The following ADGRL2 variants were observed in gnomAD, a reference collection of about 807,000 sequenced individuals.
The protein encoded by ADGRL2 is calcium-independent alpha-latrotoxin receptor 2.
In ADGRL2, 44 loss-of-function variants were observed where a neutral mutation model predicts 157.4. The ratio of observed to expected loss-of-function variants is 0.28; its 90% CI spans 0.22 to 0.36. The LOEUF (loss-of-function observed/expected upper bound fraction) is 0.36. Among genes scored for constraint, ADGRL2 ranks in the 10% least tolerant of loss-of-function variants. The probability of loss-of-function intolerance (pLI) is 1.00; values close to 1 mark genes in which losing one functional copy is unlikely to be tolerated. For missense variants in ADGRL2, 1,510 were observed against 1,768.9 expected (o/e 0.85, Z 2.63); for synonymous variants, 585 against 624.7 (o/e 0.94, Z 0.95).
intron 1 of ADGRL2, among the ~76,000 whole-genome samples, chr1:81,352,734 TC>T (rs1313927985): frequency 6.6e-6 from 1 of 152,134 alleles, no homozygotes; most frequent in Non-Finnish European, 1.5e-5. Context: ...TTCTTTTTAG[TC>T]ATCTAAACAC....
At chr1:81,369,385 A>C (rs1390138825) in intron 1 of ADGRL2, among the ~76,000 whole-genome samples, 1 of 152,192 alleles carries the variant, frequency 6.6e-6, no homozygotes, top group African/African-American at 2.4e-5. Flanking sequence ...ACTTCTTTTC[A>C]AGTCTATAGT....
At chr1:81,834,125 A>G (rs2092133250) in intron 1 of ADGRL2, among the ~76,000 whole-genome samples, 1 of 152,158 alleles carries the variant, frequency 6.6e-6, no homozygotes, top group Non-Finnish European at 1.5e-5. Context: ...ATGAACTATT[A>G]CGTAGCAAGC....
chr1:81,448,063 C>G (rs2077631542), intron 2 of ADGRL2, among the ~76,000 whole-genome samples: 1 of 151,676 alleles, frequency 6.6e-6, no homozygotes, highest in African/African-American at 2.4e-5. Flanking sequence ...CCAAGAAGAT[C>G]CTGCCATGCT....
intron 1 of ADGRL2, among the ~76,000 whole-genome samples, chr1:81,362,538 T>C (rs1019474665): frequency 6.6e-6 from 1 of 151,988 alleles, no homozygotes; most frequent in Non-Finnish European, 1.5e-5. Flanking sequence ...AATTTATATG[T>C]AAAATTTTTA....
At position 81,391,184 on chromosome 1, in the gene ADGRL2, GC is replaced by G. The variant is rs1476309702; in HGVS notation, c.-301-53851del. ...TCACCAAAATTGATTCATTGATGCA[GC>G]AAACTCATTTTTTGAGCACTTATCC... On this transcript the variant is annotated intron_variant, in intron 1 of 24. Transcript: ENST00000370721. Among the ~76,000 whole-genome samples, 6 of 152,420 alleles carry G rather than the reference GC, an allele frequency of 3.9e-5. No individual in the cohort carries two copies. The South Asian group carries it at 8.3e-4, about 21-fold the overall frequency.
chr1:81,897,187 T>C (rs535124419), intron 2 of ADGRL2, among the ~76,000 whole-genome samples: 1 of 152,260 alleles, frequency 6.6e-6, no homozygotes, highest in South Asian at 2.1e-4. Flanking sequence ...GAAGAGTAAT[T>C]GTTGCCTAAC....
chr1:81,385,609 A>T (rs1328792354), intron 1 of ADGRL2, among the ~76,000 whole-genome samples: 1 of 149,754 alleles, frequency 6.7e-6, no homozygotes, highest in Non-Finnish European at 1.5e-5. Flanking sequence ...AAAAAAAAAA[A>T]TCCTAGATAA....
intron 2 of ADGRL2, among the ~76,000 whole-genome samples, chr1:81,487,763 A>G (rs2078540359): frequency 6.6e-6 from 1 of 152,186 alleles, no homozygotes; most frequent in African/African-American, 2.4e-5. Context: ...TGTTAAGGTT[A>G]TACTCCATGG....
upstream of ADGRL2, among the ~76,000 whole-genome samples, chr1:81,796,589 T>G (rs1290583179): frequency 6.6e-6 from 1 of 152,188 alleles, no homozygotes; most frequent in Non-Finnish European, 1.5e-5. Flanking sequence ...TGCTTACTTT[T>G]GAGTATCATA....
chr1:81,319,630 T>C (rs765835233), intron 1 of ADGRL2, among the ~76,000 whole-genome samples: 1 of 152,232 alleles, frequency 6.6e-6, no homozygotes. Flanking sequence ...TTCTAGTGAA[T>C]GGTTCTATAA....
chr1:81,793,743 C>T (rs182546787), intron 2 of ADGRL2, among the ~76,000 whole-genome samples: 69 of 152,116 alleles, frequency 4.5e-4, no homozygotes, highest in Non-Finnish European at 1.5e-5. Context: ...CAAATCTACA[C>T]CTGCATAAAA....
At chr1:81,381,971 G>A (rs1252785968) in intron 1 of ADGRL2, among the ~76,000 whole-genome samples, 1 of 152,102 alleles carries the variant, frequency 6.6e-6, no homozygotes, top group Non-Finnish European at 1.5e-5. Context: ...TTCGTTGTTT[G>A]TGATTCCTTT....
At chr1:81,728,582 A>C (rs1350813028) in intron 1 of ADGRL2, among the ~76,000 whole-genome samples, 1 of 152,196 alleles carries the variant, frequency 6.6e-6, no homozygotes, top group East Asian at 1.9e-4. Flanking sequence ...TTATTATAAA[A>C]ACTATAGAGA....
At chr1:81,746,264 G>A (rs2085242617) in intron 1 of ADGRL2, among the ~76,000 whole-genome samples, 1 of 151,976 alleles carries the variant, frequency 6.6e-6, no homozygotes. Context: ...TATTATGGAG[G>A]CAATTTTAGT....
At chr1:81,422,948 C>A (rs549108620) in intron 1 of ADGRL2, among the ~76,000 whole-genome samples, 3 of 152,294 alleles carry the variant, frequency 2.0e-5, no homozygotes, top group East Asian at 3.9e-4. Context: ...ACACTGTTCC[C>A]TGCCCCTTTA....
chr1:81,370,579 T>C (rs1557635362), intron 1 of ADGRL2, among the ~76,000 whole-genome samples: 1 of 152,160 alleles, frequency 6.6e-6, no homozygotes, highest in Non-Finnish European at 1.5e-5. Flanking sequence ...ATCCTAAAAA[T>C]ACTTGTGCAT....
intron 1 of ADGRL2, among the ~76,000 whole-genome samples, chr1:81,386,346 CAATTG>C (rs1270952743): frequency 6.6e-6 from 1 of 152,086 alleles, no homozygotes; most frequent in Non-Finnish European, 1.5e-5. Context: ...GGTAAGGTAA[CAATTG>C]AATTGGTTTT....
chr1:81,838,255 A>G (rs2092385080), intron 2 of ADGRL2, among the ~76,000 whole-genome samples: 1 of 152,072 alleles, frequency 6.6e-6, no homozygotes, highest in Non-Finnish European at 1.5e-5. Context: ...CCCTACGTTC[A>G]GTATATTGAT....
chr1:81,990,353 C>T (rs1664347732), intron 23 of ADGRL2, 38 bp from the exon 24 acceptor site: 4 of 1,588,058 alleles, frequency 2.5e-6, no homozygotes, highest in Non-Finnish European at 3.4e-6. Flanking sequence ...TGGAAAGGAA[C>T]AGAGACAGTA....
Sources: allele counts gnomAD v4.1 joint callset (sites outside exome capture counted in the v4.1 genomes callset), GRCh38; gene constraint gnomAD v4.1.1; transcripts MANE v1.5; gene names NCBI Gene and HGNC (gene_info 2026-07-23, HGNC 2026-07-21).